PEX5L: variants seen among roughly 807,000 people sequenced by gnomAD.
PEX5L encodes peroxisomal biogenesis factor 5 like.
In PEX5L, 30 loss-of-function variants were observed where a neutral mutation model predicts 84.0. The ratio of observed to expected loss-of-function variants is 0.36; its 90% CI spans 0.27 to 0.48. The LOEUF is 0.48. Among genes scored for constraint, PEX5L ranks in the 20% least tolerant of loss-of-function variants. The pLI, the probability that PEX5L is intolerant of heterozygous loss-of-function variation, is 0.99. For synonymous variants in PEX5L, 270 were observed against 283.1 expected (o/e 0.95, Z 0.46); for missense variants, 533 against 754.6 (o/e 0.71, Z 3.44).
intron 13 of PEX5L, 75 bp from the exon 14 acceptor site, chr3:179,807,906 G>A (rs1172070149): frequency 1.5e-6 from 2 of 1,364,440 alleles, no homozygotes; most frequent in Non-Finnish European, 2.0e-6. Context: ...TTTCTCTGCA[G>A]AGAAAGGAAG....
chr3:179,839,342 A>C, intron 8 of PEX5L, among the ~76,000 whole-genome samples: 1 of 152,192 alleles, frequency 6.6e-6, no homozygotes, highest in Non-Finnish European at 1.5e-5. Context: ...TGGTGACAAA[A>C]ATACCCACTG....
intron 2 of PEX5L, among the ~76,000 whole-genome samples, chr3:179,907,811 C>T (rs1365122129): frequency 6.6e-6 from 1 of 152,108 alleles, no homozygotes; most frequent in African/African-American, 2.4e-5. Flanking sequence ...CTGCTAATTG[C>T]TGAGCCAGAA....
intron 2 of PEX5L, among the ~76,000 whole-genome samples, chr3:179,970,058 A>G (rs1024711269): frequency 1.6e-4 from 24 of 152,138 alleles, no homozygotes; most frequent in Admixed American, 1.4e-3. Flanking sequence ...AGTTTTCTGA[A>G]CACCAAAACT....
intron 7 of PEX5L, among the ~76,000 whole-genome samples, chr3:179,868,046 T>TCTTC (rs1748994003): frequency 7.3e-6 from 1 of 136,256 alleles, no homozygotes; most frequent in Admixed American, 7.4e-5. Flanking sequence ...CTTCTTCTTT[T>TCTTC]TTTTTTTTTT....
At position 179,800,122 on chromosome 3, in the gene PEX5L, T is replaced by A. The variant is rs1248590169; in HGVS notation, c.*1706A>T. 6.6e-6 allele frequency: 1 copy of A among 152,228 alleles called. No homozygotes were observed. The highest frequency in any genetic ancestry group is 1.5e-5 in the Non-Finnish European group (1 of 68,044). The allele number at this position is 152,228 out of a possible 1,614,324, so 9.4% of individuals were successfully genotyped here. ...TGAGGCCCTCTCACAACCCAAGGAC[T>A]TCAGATGTAACAGAGGAGAGGATTT... On this transcript the variant is annotated 3_prime_UTR_variant, in exon 15 of 15. Transcript: ENST00000467460.
chr3:179,968,910 T>C (rs1431438020), intron 2 of PEX5L, among the ~76,000 whole-genome samples: 1 of 152,142 alleles, frequency 6.6e-6, no homozygotes, highest in Non-Finnish European at 1.5e-5. Flanking sequence ...AAATACACTT[T>C]TTTTTCCATG....
intron 2 of PEX5L, among the ~76,000 whole-genome samples, chr3:179,929,719 G>A (rs1477075804): frequency 6.6e-6 from 1 of 152,094 alleles, no homozygotes; most frequent in East Asian, 1.9e-4. Flanking sequence ...GCCTCTTCCT[G>A]CTCCCTAAAA....
chr3:179,973,972 G>A (rs1322757451), intron 1 of PEX5L: 2 of 985,242 alleles, frequency 2.0e-6, no homozygotes, highest in Non-Finnish European at 2.4e-6. Context: ...TAACCCCGGG[G>A]GGATTAATCC....
rs749757943 is a variant in PEX5L at position 179,800,528 on chromosome 3, A to G, written c.*1300T>C. 1.3e-5 allele frequency: 2 copies of G among 152,220 alleles called. No individual in the cohort carries two copies. Among genetic ancestry groups the G allele is most frequent in the Non-Finnish European group, 2.9e-5 (2 of 68,030 alleles). The allele number at this position is 152,220 out of a possible 1,614,324, so 9.4% of individuals were successfully genotyped here. A position where few individuals can be genotyped will look rare whatever the true frequency, so the allele number is the denominator to read the frequency against. The stretch of plus-strand genomic sequence containing the variant: ...AATCACCAAGCCCCAAACACATACA[A>G]AACACTGTGGAGAACTAAGTGGAAT... On this transcript the variant is annotated 3_prime_UTR_variant, in exon 15 of 15. Transcript: ENST00000467460.
chr3:179,943,198 CA>C (rs1233569852), intron 2 of PEX5L, among the ~76,000 whole-genome samples: 1 of 152,234 alleles, frequency 6.6e-6, no homozygotes, highest in African/African-American at 2.4e-5. Context: ...TTCAAGCAAG[CA>C]TCTTTATATT....
intron 5 of PEX5L, among the ~76,000 whole-genome samples, chr3:179,876,660 C>G (rs1752517113): frequency 6.6e-6 from 1 of 152,106 alleles, no homozygotes; most frequent in African/African-American, 2.4e-5. Context: ...GTGACCATCA[C>G]CACTATTCAT....
intron 13 of PEX5L, 40 bp from the exon 14 acceptor site, chr3:179,807,871 G>C: frequency 1.3e-6 from 2 of 1,572,156 alleles, no homozygotes; most frequent in African/African-American, 2.7e-5. Context: ...CCCAGTACAA[G>C]GCACAATGAC....
At chr3:179,835,783 C>G (rs775037460) in intron 8 of PEX5L, among the ~76,000 whole-genome samples, 1 of 151,992 alleles carries the variant, frequency 6.6e-6, no homozygotes, top group Admixed American at 6.6e-5. Context: ...CCAGATGGCC[C>G]GGAATGGGAT....
intron 7 of PEX5L, among the ~76,000 whole-genome samples, chr3:179,871,277 A>G (rs1479196210): frequency 1.3e-5 from 2 of 151,616 alleles, no homozygotes; most frequent in Non-Finnish European, 2.9e-5. Context: ...TAAATTTTGT[A>G]TTTTTAGCAG....
intron 8 of PEX5L, among the ~76,000 whole-genome samples, chr3:179,834,629 T>C (rs1385238226): frequency 6.6e-6 from 1 of 152,112 alleles, no homozygotes; most frequent in African/African-American, 2.4e-5. Context: ...TGCTCCTAGC[T>C]TGGGGAGTGG....
chr3:179,908,647 T>G (rs1385545820), intron 2 of PEX5L, among the ~76,000 whole-genome samples: 1 of 129,350 alleles, frequency 7.7e-6, no homozygotes, highest in Non-Finnish European at 1.6e-5. Context: ...AGCCCCAGTG[T>G]GTGATATTCC....
chr3:179,844,644 C>A (rs553611888), intron 8 of PEX5L, among the ~76,000 whole-genome samples: 2 of 151,966 alleles, frequency 1.3e-5, no homozygotes, highest in Non-Finnish European at 2.9e-5. Flanking sequence ...CTGGCTAACA[C>A]GGTGAAACCC....
chr3:179,969,607 C>T (rs2110217844), intron 2 of PEX5L, among the ~76,000 whole-genome samples: 1 of 152,206 alleles, frequency 6.6e-6, no homozygotes, highest in Middle Eastern at 3.4e-3. Context: ...TTGCTCACAA[C>T]ATCAACACCA....
chr3:179,919,894 G>T (rs926311914), intron 2 of PEX5L, among the ~76,000 whole-genome samples: 11 of 152,002 alleles, frequency 7.2e-5, no homozygotes, highest in African/African-American at 2.7e-4. Flanking sequence ...GTAGAGATGG[G>T]GTTTCACCAT....
Sources: gnomAD v4.1 joint callset for allele counts (sites outside exome capture counted in the v4.1 genomes callset) on GRCh38, gnomAD v4.1.1 for gene constraint, MANE v1.5 for transcripts, NCBI Gene and HGNC (gene_info 2026-07-23, HGNC 2026-07-21) for gene names.